MSMO1: variants seen among roughly 807,000 people sequenced by gnomAD.
The protein encoded by MSMO1 is methylsterol monooxygenase 1.
MSMO1 carries 18 observed loss-of-function variants against 30.4 expected under a neutral mutation model. The observed-to-expected ratio is 0.59, with a 90% CI of 0.41 to 0.88. The LOEUF is 0.88. Among genes scored for constraint, MSMO1 ranks in the 40% least tolerant of loss-of-function variants. The pLI is 0.00. For missense variants in MSMO1, 284 were observed against 340.5 expected, an observed-to-expected ratio of 0.83 and a Z score of 1.31; for synonymous variants, 84 against 107.9, an observed-to-expected ratio of 0.78 and a Z score of 1.37.
chr4:165,337,679 T>G (rs1747596961), intron 2 of MSMO1, 110 bp from the exon 3 acceptor site: 1 of 1,096,176 alleles, frequency 9.1e-7, no homozygotes, highest in Admixed American at 1.9e-5. Context: ...TTATATAAAG[T>G]TAACATAACT....
chr4:165,341,421 G>A (rs1747712040), intron 5 of MSMO1, among the ~76,000 whole-genome samples: 1 of 152,146 alleles, frequency 6.6e-6, no homozygotes, highest in African/African-American at 2.4e-5. Flanking sequence ...ATGATGGTGA[G>A]AAAGCTTCCT....
At chr4:165,334,150 T>C (rs978136888) in intron 2 of MSMO1, among the ~76,000 whole-genome samples, 2 of 152,218 alleles carry the variant, frequency 1.3e-5, no homozygotes, top group Non-Finnish European at 2.9e-5. Context: ...AAATACTTAA[T>C]GAGATATTTA....
chr4:165,342,430 C>G lies in MSMO1; in HGVS notation c.*484C>G, dbSNP rs939329673. On this transcript the variant is annotated 3_prime_UTR_variant, in exon 6 of 6. Coordinates refer to ENST00000261507, the MANE Select transcript of MSMO1 (RefSeq NM_006745.5). ...CTGGAGTGTGGTGGCACAGTCTCAGCTCACTGCAACCTCTGCCTCCCAGTT... is the reference window on the plus strand; with the variant it reads ...CTGGAGTGTGGTGGCACAGTCTCAGGTCACTGCAACCTCTGCCTCCCAGTT... 2 of 152,756 alleles carry G rather than the reference C, an allele frequency of 1.3e-5. No homozygotes were observed. Among genetic ancestry groups the G allele is most frequent in the East Asian group, 3.8e-4 (2 of 5,210 alleles). 9.5% of individuals were successfully genotyped at this position (152,756 alleles called of 1,614,324 possible).
chr4:165,333,756 T>A, intron 2 of MSMO1, 131 bp downstream of exon 2: 12 of 1,024,636 alleles, frequency 1.2e-5, no homozygotes, highest in Non-Finnish European at 1.6e-5. Flanking sequence ...TATGTAATTT[T>A]AAATTTTCTA....
Position 165,338,731 on chromosome 4 carries a change from C to T in MSMO1, c.484C>T (p.His162Tyr). 6.3e-7 allele frequency: 1 copy of T among 1,595,044 alleles called. No individual in the cohort carries two copies. Among genetic ancestry groups the T allele is most frequent in the South Asian group, 1.1e-5 (1 of 90,572 alleles). Residue 162 changes from histidine to tyrosine, a missense_variant, in exon 4 of 6, where the codon CAC (histidine) becomes TAC (tyrosine). Transcript: ENST00000261507. ...WHYFLHRLLH[H>Y]KRIYKYIHKV... ...CTATTTTCTGCATAGACTCTTACAC[C>T]ACAAAAGAATATACAAGTATATTCA...
chr4:165,341,759 A>C lies in MSMO1; in HGVS notation c.695A>C (p.Asp232Ala), dbSNP rs1747720386. The C allele has an allele frequency of 1.2e-6, 2 of 1,609,498 alleles. No homozygotes were observed. Among genetic ancestry groups the C allele is most frequent in the African/African-American group, 1.3e-5 (1 of 74,810 alleles). The change falls in exon 6 of 6, where the codon GAT (aspartate) becomes GCT (alanine). Residue 232 changes from aspartate (D) to alanine (A), a missense_variant. Physicochemically the swap from Asp to Ala is moderately radical, Grantham distance 126. Coordinates refer to ENST00000261507, the MANE Select transcript of MSMO1 (RefSeq NM_006745.5). ...LETIDVHSGY[D>A]IPLNPLNLIP... is the part of the protein sequence containing the mutation. ...TATCATTTTTGTTTCAGTGGTTATG[A>C]TATTCCTCTCAACCCTTTAAATCTG...
At chr4:165,330,162 A>G (rs759043333) in intron 1 of MSMO1, among the ~76,000 whole-genome samples, 1 of 152,222 alleles carries the variant, frequency 6.6e-6, no homozygotes, top group African/African-American at 2.4e-5. Context: ...GGGCTTCCCC[A>G]CTTAGCATTT....
At chr4:165,337,531 T>C (rs1747588457) in intron 2 of MSMO1, among the ~76,000 whole-genome samples, 1 of 152,226 alleles carries the variant, frequency 6.6e-6, no homozygotes, top group Non-Finnish European at 1.5e-5. Flanking sequence ...CAGCAAAGAC[T>C]GGAGAATTAT....
chr4:165,335,310 A>G lies in MSMO1; in HGVS notation c.255+1685A>G, dbSNP rs1280579011. 2.6e-5 allele frequency among the ~76,000 whole-genome samples: 4 copies of G among 152,178 alleles called. No homozygotes were observed. The East Asian group carries it at 7.7e-4, about 29-fold the overall frequency. ...TATTAGTCCTCTCTGGGGATAATGCAGGGGTCAGATGACTGTGGACTCCAG... is the reference window on the plus strand; with the variant it reads ...TATTAGTCCTCTCTGGGGATAATGCGGGGGTCAGATGACTGTGGACTCCAG... On this transcript the variant is annotated intron_variant, in intron 2 of 5. Transcript: ENST00000261507.
chr4:165,327,819 C>G (rs1339245093), intron 1 of MSMO1, 55 bp downstream of exon 1: 1 of 152,282 alleles, frequency 6.6e-6, no homozygotes, highest in African/African-American at 2.4e-5. Context: ...AGGCGGGCTC[C>G]CACCCGGTGC....
At chr4:165,328,018 C>G (rs1459836541) in intron 1 of MSMO1, 1 of 152,262 alleles carries the variant, frequency 6.6e-6, no homozygotes, top group African/African-American at 2.4e-5. Flanking sequence ...ATGTTTCTTG[C>G]CCTTTAAAAT....
At chr4:165,333,664 T>A in intron 2 of MSMO1, 39 bp downstream of exon 2, 1 of 1,521,920 alleles carries the variant, frequency 6.6e-7, no homozygotes, top group Admixed American at 2.1e-5. Context: ...TTATCATTAA[T>A]GTTGCTGAAT....
chr4:165,338,600 A>G (rs1476853813), intron 3 of MSMO1, 52 bp from the exon 4 acceptor site: 4 of 1,515,222 alleles, frequency 2.6e-6, no homozygotes, highest in African/African-American at 2.7e-5. Context: ...AAAAGTCTGG[A>G]TAGTTTAAGT....
intron 2 of MSMO1, among the ~76,000 whole-genome samples, chr4:165,336,247 A>C (rs890896520): frequency 2.6e-5 from 4 of 151,976 alleles, no homozygotes; most frequent in Non-Finnish European, 4.4e-5. Flanking sequence ...AAAAAAAAAA[A>C]AACATACATC....
At chr4:165,334,637 G>T (rs17585655) in intron 2 of MSMO1, among the ~76,000 whole-genome samples, 6,675 of 152,312 alleles carry the variant, frequency 0.044, 214 homozygotes, top group South Asian at 0.071. Flanking sequence ...ACATGACAAG[G>T]TGAAATCTCA....
chr4:165,341,868 G>C lies in MSMO1; in HGVS notation c.804G>C (p.Trp268Cys). ...ACTATGCTTCAACATTTACATGGTG[G>C]GATCGAATTTTTGGAACAGACTCTC... Reference protein sequence around the residue: ...IGNYASTFTWWDRIFGTDSQY... With the variant: ...IGNYASTFTWCDRIFGTDSQY... Residue 268 changes from tryptophan to cysteine, a missense_variant, in exon 6 of 6, where the codon TGG becomes TGC. Coordinates refer to ENST00000261507, the MANE Select transcript of MSMO1 (RefSeq NM_006745.5). 6.2e-7 allele frequency: 1 copy of C among 1,613,410 alleles called. No individual in the cohort carries two copies. The highest frequency in any genetic ancestry group is 1.3e-5 in the African/African-American group (1 of 74,974).
chr4:165,333,604 G>A lies in MSMO1; in HGVS notation c.234G>A (p.Met78Ile), dbSNP rs761030443. The change falls in exon 2 of 6, where the codon ATG becomes ATA. Residue 78 changes from methionine (M) to isoleucine (I), a missense_variant. Met to Ile is a conservative substitution (Grantham distance 10, BLOSUM62 1). Transcript: ENST00000261507. ...TTTTATTTCAATTTATACCTTATAT[G>A]AAAAAATACAAAATTCAAAAGGTGA... Reference protein sequence around the residue: ...PGFLFQFIPYMKKYKIQKDKP... With the variant: ...PGFLFQFIPYIKKYKIQKDKP... 6.3e-7 allele frequency: 1 copy of A among 1,592,840 alleles called. No homozygotes were observed. The highest frequency in any genetic ancestry group is 8.5e-7 in the Non-Finnish European group (1 of 1,170,184).
At chr4:165,340,934 C>T (rs1356629045) in intron 5 of MSMO1, among the ~76,000 whole-genome samples, 1 of 152,162 alleles carries the variant, frequency 6.6e-6, no homozygotes, top group Non-Finnish European at 1.5e-5. Flanking sequence ...TGCAGAATAT[C>T]AAATTCTAAG....
intron 1 of MSMO1, among the ~76,000 whole-genome samples, chr4:165,330,104 T>G (rs540921389): frequency 1.3e-5 from 2 of 152,204 alleles, no homozygotes; most frequent in African/African-American, 4.8e-5. Context: ...CTAATACTTA[T>G]TATGGGTTTT....
Sources: gnomAD v4.1 joint callset for allele counts (sites outside exome capture counted in the v4.1 genomes callset) on GRCh38, gnomAD v4.1.1 for gene constraint, MANE v1.5 for transcripts, NCBI Gene and HGNC (gene_info 2026-07-23, HGNC 2026-07-21) for gene names.